The following TBC1D30 variants were observed in gnomAD, a reference collection of about 807,000 sequenced individuals.
The protein encoded by TBC1D30 is TBC1 domain family member 30.
In TBC1D30, 31 loss-of-function variants were observed where a neutral mutation model predicts 63.2. That is an observed-to-expected ratio of 0.49 (90% confidence interval 0.37 to 0.66). TBC1D30 has a LOEUF of 0.66. Ranked by LOEUF, TBC1D30 falls within the 30% of genes least tolerant of loss-of-function variation. The pLI, the probability that TBC1D30 is intolerant of heterozygous loss-of-function variation, is 0.00. For synonymous variants in TBC1D30, 307 were observed against 361.5 expected (o/e 0.85, Z 1.71); for missense variants, 810 against 953.6 (o/e 0.85, Z 1.98).
At position 64,833,624 on chromosome 12, in the gene TBC1D30, A is replaced by T. The variant is rs149168874; in HGVS notation, c.594+1320A>T. Among the ~76,000 whole-genome samples the T allele has an allele frequency of 7.1e-3, 1,086 of 152,300 alleles. 12 individuals are homozygous for T. Among genetic ancestry groups the T allele is most frequent in the Middle Eastern group, 0.041 (12 of 294 alleles). ...ATTAATGTGATGTGGAAAAATAAAC[A>T]AATGTTCCTCTTGGTTTTATACAAA... is the stretch of plus-strand genomic sequence containing the variant. On this transcript the variant is annotated intron_variant, in intron 5 of 11. Coordinates refer to ENST00000539867, the MANE Select transcript of TBC1D30 (RefSeq NM_015279.2).
At chr12:64,784,127 G>A (rs968875394) in intron 1 of TBC1D30, among the ~76,000 whole-genome samples, 1 of 151,798 alleles carries the variant, frequency 6.6e-6, no homozygotes, top group Non-Finnish European at 1.5e-5. Context: ...TAGGGGGACA[G>A]GAAGAACTAG....
chr12:64,838,683 G>C lies in TBC1D30; in HGVS notation c.764G>C (p.Gly255Ala), dbSNP rs912063784. 2 of 1,536,346 alleles carry C rather than the reference G, an allele frequency of 1.3e-6. No individual in the cohort carries two copies. Among genetic ancestry groups the C allele is most frequent in the Non-Finnish European group, 1.7e-6 (2 of 1,146,986 alleles). Reference sequence around the variant, plus strand: ...ATTGAATGTGTTTGTTTTATTTCAGGTGGATATGAGCCCCCACTTACAAAT... The same window carrying C: ...ATTGAATGTGTTTGTTTTATTTCAGCTGGATATGAGCCCCCACTTACAAAT... ...LQRTANKESGGGYEPPLTNVF... is the reference protein window; with the variant it reads ...LQRTANKESGAGYEPPLTNVF... Residue 255 changes from glycine (G) to alanine (A), a missense_variant and splice_region_variant, in exon 7 of 12, where the codon GGT (glycine) becomes GCT (alanine). Transcript: ENST00000539867.
At chr12:64,867,015 T>G in intron 10 of TBC1D30, 112 bp downstream of exon 10, 1 of 1,218,428 alleles carries the variant, frequency 8.2e-7, no homozygotes, top group Non-Finnish European at 1.1e-6. Flanking sequence ...TTACAACTAT[T>G]AAAAGTCTTT....
chr12:64,821,104 T>TA (rs1873860077), upstream of TBC1D30, among the ~76,000 whole-genome samples: 1 of 152,266 alleles, frequency 6.6e-6, no homozygotes, highest in Non-Finnish European at 1.5e-5. Flanking sequence ...GAGGTCTTTT[T>TA]ATCAGTCATG....
intron 1 of TBC1D30, chr12:64,768,369 T>G (rs1870792781): frequency 6.6e-6 from 1 of 152,194 alleles, no homozygotes; most frequent in East Asian, 1.9e-4. Flanking sequence ...AGGGTCTCAC[T>G]CCATCACCCA....
intron 2 of TBC1D30, among the ~76,000 whole-genome samples, chr12:64,795,934 TG>T (rs528058926): frequency 4.6e-5 from 7 of 152,272 alleles, no homozygotes; most frequent in African/African-American, 1.2e-4. Context: ...ATTTGGAATT[TG>T]CCTGCAAAAT....
upstream of TBC1D30, among the ~76,000 whole-genome samples, chr12:64,778,903 A>G (rs888004368): frequency 2.0e-5 from 3 of 152,150 alleles, no homozygotes; most frequent in Admixed American, 2.0e-4. Context: ...TCATTCCATA[A>G]GTACAATGAT....
chr12:64,803,046 G>T (rs1872674325), intron 2 of TBC1D30, among the ~76,000 whole-genome samples: 2 of 152,172 alleles, frequency 1.3e-5, no homozygotes, highest in African/African-American at 4.8e-5. Context: ...GGTATTTCTA[G>T]TTCTAGATCC....
At chr12:64,765,215 G>C (rs1436436482) in intron 1 of TBC1D30, among the ~76,000 whole-genome samples, 1 of 152,050 alleles carries the variant, frequency 6.6e-6, no homozygotes, top group Admixed American at 6.5e-5. Context: ...ACACAGGGCC[G>C]GGCATCGTGG....
At chr12:64,860,402 C>T (rs150461001) in intron 8 of TBC1D30, among the ~76,000 whole-genome samples, 119 of 152,228 alleles carry the variant, frequency 7.8e-4, no homozygotes, top group African/African-American at 2.6e-3. Flanking sequence ...GCGAGGCCTG[C>T]CTTGGCCTCC....
At position 64,878,922 on chromosome 12, in the gene TBC1D30, A is replaced by G. The variant is rs17100770; in HGVS notation, c.*3134A>G. ...ATCTACTATTTATTTTTGTCTTAAT[A>G]AAATGAACAATAAATATAGTTTAGC... On this transcript the variant is annotated 3_prime_UTR_variant, in exon 12 of 12. Coordinates refer to ENST00000539867, the MANE Select transcript of TBC1D30 (RefSeq NM_015279.2). 0.037 allele frequency: 6,142 copies of G among 167,822 alleles called. 422 individuals carry two copies. Among genetic ancestry groups the G allele is most frequent in the African/African-American group, 0.14 (5,817 of 42,088 alleles). 10.4% of individuals were successfully genotyped at this position (167,822 alleles called of 1,614,324 possible).
At chr12:64,813,156 G>A (rs1268429229) in intron 2 of TBC1D30, among the ~76,000 whole-genome samples, 2 of 152,148 alleles carry the variant, frequency 1.3e-5, no homozygotes, top group Non-Finnish European at 1.5e-5. Context: ...TTGGAAGGCC[G>A]AGATGGGCAG....
rs1565697704 is a variant in TBC1D30 at position 64,877,129 on chromosome 12, C to T, written c.*1341C>T. Reference sequence around the variant, plus strand: ...TACAGAGTCCCTTGATGGCATTTTACAAAACCAGCTCTGACTTCCTTATCC... The same window carrying T: ...TACAGAGTCCCTTGATGGCATTTTATAAAACCAGCTCTGACTTCCTTATCC... On this transcript the variant is annotated 3_prime_UTR_variant, in exon 12 of 12. Transcript: ENST00000539867. 3.4e-6 allele frequency: 1 copy of T among 294,452 alleles called. No individual in the cohort carries two copies. Among genetic ancestry groups the T allele is most frequent in the Non-Finnish European group, 6.8e-6 (1 of 147,732 alleles). The allele number at this position is 294,452 out of a possible 1,614,324, so 18.2% of individuals were successfully genotyped here.
intron 1 of TBC1D30, among the ~76,000 whole-genome samples, chr12:64,771,298 G>T (rs1469592923): frequency 6.6e-6 from 1 of 151,986 alleles, no homozygotes; most frequent in Non-Finnish European, 1.5e-5. Context: ...GACATCTATA[G>T]CAGGAATTAC....
In TBC1D30 at chr12:64,875,752, A is replaced by T. The variant is rs1337202476; in HGVS notation, c.2250A>T (p.Lys750Asn). The T allele has an allele frequency of 3.3e-6, 5 of 1,533,514 alleles. No individual in the cohort carries two copies. The highest frequency in any genetic ancestry group is 2.6e-6 in the Non-Finnish European group (3 of 1,145,806). 95.0% of individuals were successfully genotyped at this position (1,533,514 alleles called of 1,614,324 possible). The change falls in exon 12 of 12, where the codon AAA (lysine) becomes AAT (asparagine). Residue 750 changes from lysine (K) to asparagine (N), a missense_variant. Lys to Asn is a moderately conservative substitution (Grantham distance 94). Coordinates refer to ENST00000539867, the MANE Select transcript of TBC1D30 (RefSeq NM_015279.2). ...CTCAAATGAGTAGGAGCTTCAGCAA[A>T]CCCGGCGGTGGAAACAGTGGCACTA... ...HFPQMSRSFS[K>N]PGGGNSGTKK...
chr12:64,788,946 C>G (rs1013143837), intron 2 of TBC1D30, among the ~76,000 whole-genome samples: 2 of 152,152 alleles, frequency 1.3e-5, no homozygotes, highest in Non-Finnish European at 2.9e-5. Flanking sequence ...TATTTCATGA[C>G]TAAATCCCTG....
chr12:64,878,313 A>G lies in TBC1D30; in HGVS notation c.*2525A>G, dbSNP rs772424625. 1.8e-5 allele frequency: 7 copies of G among 382,384 alleles called. No homozygotes were observed. Among genetic ancestry groups the G allele is most frequent in the Non-Finnish European group, 3.1e-5 (6 of 191,606 alleles). 23.7% of individuals were successfully genotyped at this position (382,384 alleles called of 1,614,324 possible). A position where few individuals can be genotyped will look rare whatever the true frequency, so the allele number is the denominator to read the frequency against. The stretch of plus-strand genomic sequence containing the variant: ...CAGTAGCCTCTACCACACAGCATGT[A>G]CAAAGACCAGTATGGACTTGCTATC... On this transcript the variant is annotated 3_prime_UTR_variant, in exon 12 of 12. Transcript: ENST00000539867.
intron 8 of TBC1D30, among the ~76,000 whole-genome samples, chr12:64,860,029 TTTTTTTA>T (rs1877649684): frequency 6.6e-6 from 1 of 151,844 alleles, no homozygotes; most frequent in African/African-American, 2.4e-5. Context: ...TTTTTTTTTT[TTTTTTTA>T]AAACATGGTC....
intron 4 of TBC1D30, among the ~76,000 whole-genome samples, chr12:64,831,114 C>T (rs1283603230): frequency 6.6e-6 from 1 of 152,218 alleles, no homozygotes; most frequent in South Asian, 2.1e-4. Context: ...TATATGAGTA[C>T]ATTACAGTGT....
Sources: gnomAD v4.1 joint callset for allele counts (sites outside exome capture counted in the v4.1 genomes callset) on GRCh38, gnomAD v4.1.1 for gene constraint, MANE v1.5 for transcripts, NCBI Gene and HGNC (gene_info 2026-07-23, HGNC 2026-07-21) for gene names.